The following NOD2 variants were observed in gnomAD, a reference collection of about 807,000 sequenced individuals.
The protein encoded by NOD2 is nucleotide binding oligomerization domain containing 2, also known as nucleotide-binding oligomerization domain-containing protein 2.
In NOD2, 86 loss-of-function variants were observed where a neutral mutation model predicts 90.9. The ratio of observed to expected loss-of-function variants is 0.95; its 90% confidence interval spans 0.79 to 1.13. The LOEUF is 1.13. Ranked by LOEUF, NOD2 falls within the 50% of genes most tolerant of loss-of-function variation. NOD2 has a pLI of 0.00. For missense variants in NOD2, 1,238 were observed against 1,283.8 expected (o/e 0.96, Z 0.55); for synonymous variants, 581 against 554.6 (o/e 1.05, Z -0.67).
At chr16:50,709,021 T>A (rs1964332643) in intron 3 of NOD2, among the ~76,000 whole-genome samples, 1 of 152,176 alleles carries the variant, frequency 6.6e-6, no homozygotes, top group African/African-American at 2.4e-5. Flanking sequence ...AGGTGACAAT[T>A]GGTGTGTTTA....
intron 2 of NOD2, among the ~76,000 whole-genome samples, chr16:50,704,087 C>T (rs1298004859): frequency 6.6e-6 from 1 of 152,208 alleles, no homozygotes; most frequent in East Asian, 1.9e-4. Flanking sequence ...GATATTAGTT[C>T]ATGGTGAAGA....
chr16:50,697,414 G>A (rs2150776988), intron 1 of NOD2: 5 of 1,136,442 alleles, frequency 4.4e-6, no homozygotes, highest in South Asian at 1.3e-5. Context: ...GATGGGGAGT[G>A]CTGACTCTGT....
At position 50,699,534 on chromosome 16, in the gene NOD2, G is replaced by C; in HGVS notation, c.39G>C (p.Gln13His). 6.2e-7 allele frequency: 1 copy of C among 1,613,948 alleles called. No individual in the cohort carries two copies. Among genetic ancestry groups the C allele is most frequent in the South Asian group, 1.1e-5 (1 of 91,074 alleles). The change falls in exon 2 of 12, where the codon CAG becomes CAC. Residue 13 changes from glutamine (Q) to histidine (H), a missense_variant. This residue lies in a region of NOD2 where 567 missense variants were observed against 577.3 expected (regional missense o/e 0.98). Transcript: ENST00000647318. ...AGGCTTTTCAGGCACAGAGGAGCCA[G>C]CTGGTCGAGCTGCTGGTCTCAGGGT... is the stretch of plus-strand genomic sequence containing the variant. ...SQEAFQAQRS[Q>H]LVELLVSGSL...
At chr16:50,727,346 C>T (rs2150839675) in intron 10 of NOD2, 1 of 165,896 alleles carries the variant, frequency 6.0e-6, no homozygotes, top group East Asian at 1.8e-4. Context: ...ATGTAGCTAA[C>T]AAAAGTGAGT....
At position 50,732,116 on chromosome 16, in the gene NOD2, A is replaced by G; in HGVS notation, c.*297A>G. ...CATAGTATGGGACTGGCCTCTGCTG[A>G]TCCTCCCAGGCTTCCGTGTGGGTCA... On this transcript the variant is annotated 3_prime_UTR_variant, in exon 12 of 12. Transcript: ENST00000647318. 1 of 445,846 alleles carries G rather than the reference A, an allele frequency of 2.2e-6. No homozygotes were observed. Among genetic ancestry groups the G allele is most frequent in the Admixed American group, 3.4e-5 (1 of 29,218 alleles). 27.6% of individuals were successfully genotyped at this position (445,846 alleles called of 1,614,324 possible). A position where few individuals can be genotyped will look rare whatever the true frequency, so the allele number is the denominator to read the frequency against.
chr16:50,723,139 GAAAAAAAA>G (rs59171756), intron 8 of NOD2, among the ~76,000 whole-genome samples, 154 bp from the exon 9 acceptor site: 3 of 107,846 alleles, frequency 2.8e-5, no homozygotes, highest in Non-Finnish European at 5.7e-5. Flanking sequence ...AAAAAGGGTA[GAAAAAAAA>G]AAAAAAAGAA....
Position 50,710,953 on chromosome 16 carries a change from C to G in NOD2, c.961C>G (p.Leu321Val), listed in dbSNP as rs104895428. ...CMAKPLSVRT[L>V]LFEHCCWPDV... ...GGCCAAACCACTCTCTGTGCGGACT[C>G]TACTCTTTGAGCACTGCTGTTGGCC... The change falls in exon 4 of 12, where the codon CTA (leucine) becomes GTA (valine). Residue 321 changes from leucine to valine, a missense_variant. This residue lies in a region of NOD2 where 567 missense variants were observed against 577.3 expected (regional missense o/e 0.98). Transcript: ENST00000647318. 1.9e-6 allele frequency: 3 copies of G among 1,614,242 alleles called. No individual in the cohort carries two copies. The highest frequency in any genetic ancestry group is 2.2e-5 in the East Asian group (1 of 44,888).
chr16:50,720,011 A>C lies in NOD2; in HGVS notation c.2633+3A>C, dbSNP rs767535551. ...AACACCTCCTTGCAGTTCCTGGGGT[A>C]GGTTGGATTCCAGGAAGAGGGACCT... On this transcript the variant is annotated splice_donor_region_variant and intron_variant, in intron 7 of 11. Coordinates refer to ENST00000647318, the MANE Select transcript of NOD2 (RefSeq NM_001370466.1). 2.3e-5 allele frequency: 37 copies of C among 1,613,404 alleles called. No individual in the cohort carries two copies. The South Asian group carries it at 3.7e-4, about 16-fold the overall frequency.
intron 4 of NOD2, chr16:50,712,735 G>A: frequency 3.0e-6 from 1 of 336,720 alleles, no homozygotes; most frequent in Middle Eastern, 9.8e-4. Flanking sequence ...TTCACAAATT[G>A]CATCATTCTG....
At chr16:50,702,021 C>A (rs1963963213) in intron 2 of NOD2, among the ~76,000 whole-genome samples, 3 of 152,310 alleles carry the variant, frequency 2.0e-5, no homozygotes, top group South Asian at 4.1e-4. Context: ...TCATAAATCA[C>A]TGAAGTCTCG....
intron 1 of NOD2, among the ~76,000 whole-genome samples, chr16:50,696,804 G>T (rs1019440316): frequency 1.3e-5 from 2 of 152,234 alleles, no homozygotes; most frequent in African/African-American, 4.8e-5. Context: ...TGTAGCTGCT[G>T]GGAGGACAGA....
In NOD2 at chr16:50,719,951, C is replaced by A. The variant is rs565200911; in HGVS notation, c.2576C>A (p.Ala859Glu). 6.2e-7 allele frequency: 1 copy of A among 1,614,210 alleles called. No homozygotes were observed. Among genetic ancestry groups the A allele is most frequent in the Non-Finnish European group, 8.5e-7 (1 of 1,180,024 alleles). Residue 859 changes from alanine (A) to glutamate (E), a missense_variant, in exon 7 of 12, where the codon GCG becomes GAG. By Grantham distance (107) the Ala-to-Glu change is moderately radical (BLOSUM62 -1). Coordinates refer to ENST00000647318, the MANE Select transcript of NOD2 (RefSeq NM_001370466.1). ...CTGGGGAATAACTACATCACTGCCG[C>A]GGGAGCCCAAGTGCTGGCCGAGGGG... ...LRLGNNYITA[A>E]GAQVLAEGLR...
At chr16:50,712,651 T>C in intron 4 of NOD2, 1 of 520,778 alleles carries the variant, frequency 1.9e-6, no homozygotes, top group African/African-American at 1.9e-5. Context: ...GGCAGGAATG[T>C]TATTATCTCC....
At chr16:50,707,724 G>A in intron 2 of NOD2, 131 bp from the exon 3 acceptor site, 3 of 742,330 alleles carry the variant, frequency 4.0e-6, no homozygotes, top group Non-Finnish European at 7.4e-6. Flanking sequence ...TCATGTGGTT[G>A]TTCGGTTGTT....
At chr16:50,730,800 C>A (rs118191897) in intron 11 of NOD2, among the ~76,000 whole-genome samples, 93 of 152,364 alleles carry the variant, frequency 6.1e-4, no homozygotes, top group Non-Finnish European at 1.1e-3. Context: ...TTTGGCAACT[C>A]ATTCCCATAA....
Position 50,731,895 on chromosome 16 carries a change from G to A in NOD2, c.*76G>A. The A allele has an allele frequency of 9.1e-7, 1 of 1,093,966 alleles. No homozygotes were observed. Among genetic ancestry groups the A allele is most frequent in the Non-Finnish European group, 1.4e-6 (1 of 710,632 alleles). The allele number at this position is 1,093,966 out of a possible 1,614,324, so 67.8% of individuals were successfully genotyped here. On this transcript the variant is annotated 3_prime_UTR_variant, in exon 12 of 12. Coordinates refer to ENST00000647318, the MANE Select transcript of NOD2 (RefSeq NM_001370466.1). ...TTGGGCCCCAGAGGCTGGGTGACAT[G>A]TGTTGGCAGCCTCTTCAAAATGAGC...
Position 50,712,283 on chromosome 16 carries a change from G to A in NOD2, c.2291G>A (p.Arg764Gln), listed in dbSNP as rs104895464. 2,257 of 1,613,998 alleles carry A rather than the reference G, an allele frequency of 1.4e-3. 5 individuals are homozygous for A. Among genetic ancestry groups the A allele is most frequent in the Middle Eastern group, 2.0e-3 (12 of 6,062 alleles). ...GCCTTTGTGCTGCAGCACCTCCGGC[G>A]GCCCGTGGCCCTGCAGCTGGACTAC... ...ALAFVLQHLRRPVALQLDYNS... is the reference protein window; with the variant it reads ...ALAFVLQHLRQPVALQLDYNS... The change falls in exon 4 of 12, where the codon CGG becomes CAG. Residue 764 changes from arginine to glutamine, a missense_variant. By Grantham distance (43) the Arg-to-Gln change is conservative. Transcript: ENST00000647318.
At chr16:50,703,683 C>CAAAAAA (rs1043742883) in intron 2 of NOD2, among the ~76,000 whole-genome samples, 1 of 56,442 alleles carries the variant, frequency 1.8e-5, no homozygotes, top group Non-Finnish European at 4.0e-5. Flanking sequence ...GACTCTGTCT[C>CAAAAAA]AAAAAAAAAA....
At chr16:50,712,406 G>T in intron 4 of NOD2, 33 bp downstream of exon 4, 1 of 1,610,988 alleles carries the variant, frequency 6.2e-7, no homozygotes, top group South Asian at 1.1e-5. Flanking sequence ...GTTCAGGTAT[G>T]GGGGAGCACC....
Sources: gnomAD v4.1 joint callset for allele counts (sites outside exome capture counted in the v4.1 genomes callset) on GRCh38, gnomAD v4.1.1 for gene constraint, gnomAD v4.1.1 regional missense constraint, MANE v1.5 for transcripts, NCBI Gene and HGNC (gene_info 2026-07-23, HGNC 2026-07-21) for gene names.